The following WDFY4 variants were observed in gnomAD, a reference collection of about 807,000 sequenced individuals.
The protein encoded by WDFY4 is WDFY family member 4.
WDFY4 carries 169 observed loss-of-function variants against 351.9 expected under a neutral mutation model. The ratio of observed to expected loss-of-function variants is 0.48; its 90% confidence interval spans 0.42 to 0.55. WDFY4 has a LOEUF of 0.55. Among genes scored for constraint, WDFY4 ranks in the 20% least tolerant of loss-of-function variants. The pLI is 0.00. For synonymous variants in WDFY4, 1,622 were observed against 1,574.6 expected (o/e 1.03, Z -0.71); for missense variants, 3,803 against 3,935.6 (o/e 0.97, Z 0.90).
chr10:48,790,968 C>T, intron 23 of WDFY4, 51 bp downstream of exon 23: 1 of 1,541,376 alleles, frequency 6.5e-7, no homozygotes, highest in Non-Finnish European at 8.8e-7. Flanking sequence ...GGCTGTCATC[C>T]CTGGGAAACA....
intron 51 of WDFY4, among the ~76,000 whole-genome samples, chr10:48,952,762 T>G (rs1841389788): frequency 6.6e-6 from 1 of 152,138 alleles, no homozygotes; most frequent in African/African-American, 2.4e-5. Flanking sequence ...GGAAAGCTAA[T>G]GGCCACTCTG....
intron 1 of WDFY4, among the ~76,000 whole-genome samples, chr10:48,697,781 A>C (rs1034461761): frequency 6.6e-6 from 1 of 152,162 alleles, no homozygotes; most frequent in African/African-American, 2.4e-5. Flanking sequence ...TTTCCTGCTT[A>C]GTACTTCCAG....
At chr10:48,903,134 A>G (rs1683847171) in intron 47 of WDFY4, among the ~76,000 whole-genome samples, 2 of 152,156 alleles carry the variant, frequency 1.3e-5, no homozygotes, top group African/African-American at 4.8e-5. Context: ...GAAACATGTT[A>G]TGCAGTTAAT....
At chr10:48,919,008 C>T (rs2671699) in intron 47 of WDFY4, among the ~76,000 whole-genome samples, 50,721 of 151,974 alleles carry the variant, frequency 0.33, 8,970 homozygotes, top group Non-Finnish European at 0.39. Context: ...TACCTAGCAA[C>T]TGCAGAATAC....
chr10:48,721,934 C>T (rs1299790584), intron 4 of WDFY4, among the ~76,000 whole-genome samples: 4 of 152,182 alleles, frequency 2.6e-5, no homozygotes, highest in Non-Finnish European at 5.9e-5. Context: ...CGCCCTCGCC[C>T]AGAGATGAGG....
rs529390753 is a variant in WDFY4 at position 48,814,073 on chromosome 10, C to T, written c.5331C>T (p.Thr1777=). ...TCCTCCTGGAAATGCTGAAGGCCAC[C>T]ATGAGCCAGGTGAGACCCATTCCCC... is the stretch of plus-strand genomic sequence containing the variant. ...ALLLLEMLKA[T]MSQPLAGSED... Residue 1777 remains threonine (T), a synonymous_variant, in exon 31 of 62, where the codon ACC becomes ACT. Transcript: ENST00000325239. 6.5e-7 allele frequency: 1 copy of T among 1,548,730 alleles called. No homozygotes were observed. The highest frequency in any genetic ancestry group is 2.0e-5 in the Admixed American group (1 of 50,802).
chr10:48,867,936 T>G (rs2069611885), intron 40 of WDFY4, among the ~76,000 whole-genome samples: 1 of 152,196 alleles, frequency 6.6e-6, no homozygotes, highest in African/African-American at 2.4e-5. Context: ...ATTATGATAC[T>G]CCTGTGTCTT....
intron 47 of WDFY4, among the ~76,000 whole-genome samples, chr10:48,929,747 T>C (rs1164383852): frequency 6.6e-6 from 1 of 152,200 alleles, no homozygotes; most frequent in Non-Finnish European, 1.5e-5. Context: ...AAACCCTGTC[T>C]GTCCCAAGCC....
intron 23 of WDFY4, among the ~76,000 whole-genome samples, chr10:48,794,558 G>T (rs1004640609): frequency 6.6e-5 from 10 of 152,088 alleles, no homozygotes; most frequent in African/African-American, 2.4e-4. Context: ...TCACCAAAAA[G>T]AAGCTGTACA....
At chr10:48,723,246 T>G (rs965591882) in intron 4 of WDFY4, among the ~76,000 whole-genome samples, 187 bp from the exon 5 acceptor site, 7 of 150,212 alleles carry the variant, frequency 4.7e-5, no homozygotes, top group African/African-American at 1.7e-4. Context: ...GCACTTTATA[T>G]AAACTTAATC....
At position 48,728,725 on chromosome 10, in the gene WDFY4, A is replaced by G. The variant is rs138282407; in HGVS notation, c.972-707A>G. On this transcript the variant is annotated intron_variant, in intron 7 of 61. Transcript: ENST00000325239. ...ACATTTTGCATTGGTCTGGGCTGTG[A>G]CCAGCTGACTATGATCCCCACGGAG... Among the ~76,000 whole-genome samples, 404 of 152,368 alleles carry G rather than the reference A, an allele frequency of 2.7e-3. 3 individuals carry two copies. The highest frequency in any genetic ancestry group is 0.013 in the South Asian group (63 of 4,830).
intron 25 of WDFY4, among the ~76,000 whole-genome samples, chr10:48,804,156 A>G (rs1358174049): frequency 1.3e-5 from 2 of 152,206 alleles, no homozygotes; most frequent in Non-Finnish European, 2.9e-5. Context: ...AGAATAAGAG[A>G]GAAGGAAGGC....
chr10:48,894,022 G>A (rs925583950), intron 44 of WDFY4, among the ~76,000 whole-genome samples: 6 of 152,112 alleles, frequency 3.9e-5, no homozygotes, highest in African/African-American at 1.4e-4. Context: ...GAACATGTAG[G>A]GTGTAGTATT....
rs191171635 is a variant in WDFY4, at chr10:48,743,473, T to C, written c.2384T>C (p.Val795Ala). 8.4e-6 allele frequency: 13 copies of C among 1,547,198 alleles called. No individual in the cohort carries two copies. The highest frequency in any genetic ancestry group is 1.1e-5 in the Non-Finnish European group (13 of 1,146,876). ...KESLRTKQGP[V>A]VDVQKGETGS... ...TCCCTGAGGACCAAGCAGGGGCCGG[T>C]TGTGGATGTTCAGAAGGGAGAAACT... is the stretch of plus-strand genomic sequence containing the variant. The change falls in exon 12 of 62, where the codon GTT becomes GCT. Residue 795 changes from valine to alanine, a missense_variant. Val to Ala is a moderately conservative substitution (Grantham distance 64, BLOSUM62 0). This residue lies in a region of WDFY4 where 3,054 missense variants were observed against 3,148.6 expected (regional missense o/e 0.97). Transcript: ENST00000325239.
chr10:48,737,316 C>T (rs1289374152), intron 11 of WDFY4, among the ~76,000 whole-genome samples: 1 of 151,622 alleles, frequency 6.6e-6, no homozygotes. Flanking sequence ...GGCCAACACG[C>T]TCATGTTTCA....
chr10:48,766,068 A>G (rs886961665), intron 13 of WDFY4, among the ~76,000 whole-genome samples: 8 of 152,258 alleles, frequency 5.3e-5, no homozygotes, highest in African/African-American at 1.7e-4. Flanking sequence ...ATAGCATTGC[A>G]TAAGGGCAGG....
At chr10:48,715,263 A>G (rs771948917) in intron 2 of WDFY4, among the ~76,000 whole-genome samples, 2 of 151,738 alleles carry the variant, frequency 1.3e-5, no homozygotes, top group Non-Finnish European at 3.0e-5. Flanking sequence ...CCCTGCCCAC[A>G]TTGCAGATCC....
chr10:48,945,978 C>T (rs952335850), intron 49 of WDFY4, 62 bp from the exon 50 acceptor site: 9 of 1,112,406 alleles, frequency 8.1e-6, no homozygotes, highest in Non-Finnish European at 1.1e-5. Context: ...AACTCAAGAG[C>T]GTGGCTCCTA....
At position 48,829,197 on chromosome 10, in the gene WDFY4, G is replaced by C. The variant is rs115521876; in HGVS notation, c.6340+301G>C. On this transcript the variant is annotated intron_variant, in intron 37 of 61. Transcript: ENST00000325239. ...TGAAGAGAAAGCTCCATGGGACTTG[G>C]TTTGACTAGAAGCTTAATCCCAGGG... is the stretch of plus-strand genomic sequence containing the variant. 4.8e-3 allele frequency among the ~76,000 whole-genome samples: 727 copies of C among 152,240 alleles called. 2 individuals are homozygous for C. The highest frequency in any genetic ancestry group is 0.014 in the Middle Eastern group (4 of 294).
Sources: allele counts gnomAD v4.1 joint callset (sites outside exome capture counted in the v4.1 genomes callset), GRCh38; gene constraint gnomAD v4.1.1; regional missense constraint gnomAD v4.1.1; transcripts MANE v1.5; gene names NCBI Gene and HGNC (gene_info 2026-07-23, HGNC 2026-07-21).